The following GATA1 variants were observed in gnomAD, a reference collection of about 807,000 sequenced individuals.
GATA1 encodes erythroid transcription factor.
A neutral mutation model predicts 18.9 loss-of-function variants in GATA1; 2 were observed. The observed-to-expected ratio is 0.11, with a 90% CI of 0.04 to 0.33. The LOEUF (loss-of-function observed/expected upper bound fraction) is 0.33, where lower values mean the gene tolerates loss of function less well. GATA1 is among the 10% of genes least tolerant of loss of function. GATA1 has a pLI of 1.00. For missense variants in GATA1, 272 were observed against 344.7 expected (o/e 0.79, Z 1.67); for synonymous variants, 152 against 149.1 (o/e 1.02, Z -0.14).
intron 1 of GATA1, among the ~76,000 whole-genome samples, chrX:48,789,723 G>A (rs1343944331): frequency 3.0e-5 from 3 of 99,176 alleles, no homozygotes; most frequent in Admixed American, 1.0e-4. Context: ...ATAAGCAGTG[G>A]GGGGTACTGA....
At chrX:48,793,093 C>T in intron 4 of GATA1, 79 bp from the exon 5 acceptor site, 1 of 1,112,669 alleles carries the variant, frequency 9.0e-7, no homozygotes, top group East Asian at 3.0e-5. Context: ...TTCTTGGGTC[C>T]TCCTGACATC....
At chrX:48,787,519 G>C (rs782021956) in intron 1 of GATA1, among the ~76,000 whole-genome samples, 3 of 110,604 alleles carry the variant, frequency 2.7e-5, no homozygotes, top group Non-Finnish European at 5.7e-5. Flanking sequence ...AAAAACCCTT[G>C]AACTCCCCAG....
At chrX:48,793,125 A>C (rs199888647) in intron 4 of GATA1, 47 bp from the exon 5 acceptor site, 1 of 1,200,932 alleles carries the variant, frequency 8.3e-7, no homozygotes, top group East Asian at 3.0e-5. Flanking sequence ...CCTTACCCCC[A>C]CTTCCACATC....
chrX:48,790,650 T>G (rs1489598026), intron 1 of GATA1, among the ~76,000 whole-genome samples: 6 of 76,695 alleles, frequency 7.8e-5, no homozygotes, highest in Admixed American at 1.8e-4. Flanking sequence ...GAGAAGGAAA[T>G]GGGGAAGAGG....
Position 48,791,984 on chromosome X carries a change from G to A in GATA1, c.361G>A (p.Val121Met), listed in dbSNP as rs200509606. ...PTREDSPPQA[V>M]EDLDGKGSTS... ...CCGCGAGGACTCTCCTCCCCAGGCC[G>A]TGGAAGATCTGGATGGAAAAGGCAG... The change falls in exon 3 of 6, where the codon GTG becomes ATG. Residue 121 changes from valine to methionine, a missense_variant. Physicochemically the swap from Val to Met is conservative, Grantham distance 21. Transcript: ENST00000376670. 1.4e-4 allele frequency: 171 copies of A among 1,210,077 alleles called. No homozygotes were observed. The highest frequency in any genetic ancestry group is 7.0e-4 in the Admixed American group (32 of 45,856).
At chrX:48,792,856 C>T (rs782115303) in intron 4 of GATA1, among the ~76,000 whole-genome samples, 34 of 112,065 alleles carry the variant, frequency 3.0e-4, no homozygotes, top group Non-Finnish European at 1.7e-4. Context: ...GGTCCCTTCT[C>T]CCAGATGTGC....
intron 2 of GATA1, 97 bp from the exon 3 acceptor site, chrX:48,791,747 C>G (rs1294157336): frequency 1.9e-6 from 2 of 1,040,381 alleles, no homozygotes; most frequent in African/African-American, 3.7e-5. Flanking sequence ...AACTTGGCCA[C>G]CATGTTGGGG....
At chrX:48,793,025 T>C in intron 4 of GATA1, 147 bp from the exon 5 acceptor site, 2 of 584,852 alleles carry the variant, frequency 3.4e-6, no homozygotes, top group East Asian at 3.6e-5. Context: ...ACTGGCCCCA[T>C]ACAGAATCCT....
In GATA1 at chrX:48,794,142, T is replaced by C; in HGVS notation, c.1220T>C (p.Val407Ala). The change falls in exon 6 of 6, where the codon GTG becomes GCG. Residue 407 changes from valine to alanine, a missense_variant. This residue lies in a region of GATA1 where 83 missense variants were observed against 84.2 expected (regional missense o/e 0.99). Coordinates refer to ENST00000376670, the MANE Select transcript of GATA1 (RefSeq NM_002049.4). Reference protein sequence around the residue: ...GPMPPTTSTTVVAPLSS With the variant: ...GPMPPTTSTTAVAPLSS ...ATGCCCCCCACCACCAGCACTACTGTGGTGGCTCCGCTCAGCTCATGAGGG... is the reference window on the plus strand; with the variant it reads ...ATGCCCCCCACCACCAGCACTACTGCGGTGGCTCCGCTCAGCTCATGAGGG... 8.5e-7 allele frequency: 1 copy of C among 1,182,738 alleles called. No homozygotes were observed. The highest frequency in any genetic ancestry group is 1.1e-6 in the Non-Finnish European group (1 of 880,731).
intron 1 of GATA1, among the ~76,000 whole-genome samples, chrX:48,789,733 ACC>A (rs200263656): frequency 5.3e-4 from 54 of 102,801 alleles, no homozygotes; most frequent in African/African-American, 1.8e-3. Context: ...GGGGGTACTG[ACC>A]CCCCCCCAAC....
At chrX:48,789,391 A>G (rs186393065) in intron 1 of GATA1, among the ~76,000 whole-genome samples, 2 of 111,692 alleles carry the variant, frequency 1.8e-5, no homozygotes, top group Non-Finnish European at 3.8e-5. Flanking sequence ...GGGAAGCTAC[A>G]GAGTCAGACT....
At chrX:48,793,630 G>T (rs2062681414) in intron 5 of GATA1, among the ~76,000 whole-genome samples, 163 bp from the exon 6 acceptor site, 1 of 108,598 alleles carries the variant, frequency 9.2e-6, no homozygotes. Flanking sequence ...AGCCTTGGAG[G>T]CTTTCCTAAG....
chrX:48,794,177 T>C lies in GATA1; in HGVS notation c.*13T>C. The C allele has an allele frequency of 8.4e-7, 1 of 1,189,452 alleles. No individual in the cohort carries two copies. Among genetic ancestry groups the C allele is most frequent in the Non-Finnish European group, 1.1e-6 (1 of 883,630 alleles). On this transcript the variant is annotated 3_prime_UTR_variant, in exon 6 of 6. Transcript: ENST00000376670. ...GCTCAGCTCATGAGGGCACAGAGCA[T>C]GGCCTCCAGAGGAGGGGTGGTGTCC...
At position 48,786,591 on chromosome X, in the gene GATA1, C is replaced by T. The variant is rs1188737938; in HGVS notation, c.-74C>T. ...CCAGCCAGGACACCCCCTGGGATCA[C>T]ACTGAGCTTGCCACATCCCCAAGGC... On this transcript the variant is annotated 5_prime_UTR_variant, in exon 1 of 6. Coordinates refer to ENST00000376670, the MANE Select transcript of GATA1 (RefSeq NM_002049.4). 1 of 111,716 alleles carries T rather than the reference C, an allele frequency of 9.0e-6. No homozygotes were observed. Among genetic ancestry groups the T allele is most frequent in the Non-Finnish European group, 1.9e-5 (1 of 53,123 alleles). The allele number at this position is 111,716 out of a possible 1,213,427, so 9.2% of individuals were successfully genotyped here. A position where few individuals can be genotyped will look rare whatever the true frequency, so the allele number is the denominator to read the frequency against.
rs1557020022 is a variant in GATA1, at chrX:48,791,201, G to C, written c.92G>C (p.Gly31Ala). 1.7e-6 allele frequency: 2 copies of C among 1,206,426 alleles called. No individual in the cohort carries two copies. The change falls in exon 2 of 6, where the codon GGG becomes GCG. Residue 31 changes from glycine to alanine, a missense_variant. Physicochemically the swap from Gly to Ala is moderately conservative, Grantham distance 60. Coordinates refer to ENST00000376670, the MANE Select transcript of GATA1 (RefSeq NM_002049.4). ...PALVSSTPES[G>A]VFFPSGPEGL... Reference sequence around the variant, plus strand: ...CTGGTGTCCTCCACACCAGAATCAGGGGTTTTCTTCCCCTCTGGGCCTGAG... The same window carrying C: ...CTGGTGTCCTCCACACCAGAATCAGCGGTTTTCTTCCCCTCTGGGCCTGAG...
At chrX:48,789,700 G>A (rs1253598023) in intron 1 of GATA1, among the ~76,000 whole-genome samples, 2 of 108,012 alleles carry the variant, frequency 1.9e-5, no homozygotes, top group African/African-American at 3.4e-5. Flanking sequence ...AAAGTTGGGC[G>A]GGGAAGGCAG....
Position 48,791,202 on chromosome X carries a change from G to C in GATA1, c.93G>C (p.Gly31=), listed in dbSNP as rs368193049. 3.3e-6 allele frequency: 4 copies of C among 1,204,741 alleles called. No individual in the cohort carries two copies. The African/African-American group carries it at 7.0e-5, about 21-fold the overall frequency. Residue 31 remains glycine, a synonymous_variant, in exon 2 of 6, where the codon GGG becomes GGC. Transcript: ENST00000376670. ...PALVSSTPES[G]VFFPSGPEGL... is the part of the protein sequence containing the mutation. Reference sequence around the variant, plus strand: ...TGGTGTCCTCCACACCAGAATCAGGGGTTTTCTTCCCCTCTGGGCCTGAGG... The same window carrying C: ...TGGTGTCCTCCACACCAGAATCAGGCGTTTTCTTCCCCTCTGGGCCTGAGG...
chrX:48,791,808 C>A, intron 2 of GATA1, 36 bp from the exon 3 acceptor site: 1 of 1,207,688 alleles, frequency 8.3e-7, no homozygotes. Flanking sequence ...ACTGATTTTG[C>A]CTCTTCTTTC....
At chrX:48,789,361 C>T (rs2062666891) in intron 1 of GATA1, among the ~76,000 whole-genome samples, 1 of 109,605 alleles carries the variant, frequency 9.1e-6, no homozygotes, top group African/African-American at 3.3e-5. Flanking sequence ...CAAGCTATAT[C>T]ATAGAAACAC....
Sources: gnomAD v4.1 joint callset for allele counts (sites outside exome capture counted in the v4.1 genomes callset) on GRCh38, gnomAD v4.1.1 for gene constraint, gnomAD v4.1.1 regional missense constraint, MANE v1.5 for transcripts, NCBI Gene and HGNC (gene_info 2026-07-23, HGNC 2026-07-21) for gene names.